The following PHC2 variants were observed in gnomAD, a reference collection of about 807,000 sequenced individuals.
PHC2 encodes polyhomeotic homolog 2, also known as polyhomeotic-like protein 2.
Under a neutral mutation model 87.4 loss-of-function variants are expected in PHC2, and 29 were observed. The observed-to-expected ratio is 0.33, with a 90% CI of 0.25 to 0.45. PHC2 has a LOEUF of 0.45. PHC2 is among the 20% of genes least tolerant of loss of function. The probability of loss-of-function intolerance (pLI) is 1.00; values close to 1 mark genes in which losing one functional copy is unlikely to be tolerated. For synonymous variants in PHC2, 438 were observed against 461.7 expected (o/e 0.95, Z 0.66); for missense variants, 857 against 1,136.7 (o/e 0.75, Z 3.54).
intron 9 of PHC2, among the ~76,000 whole-genome samples, chr1:33,344,548 T>C (rs1026482665): frequency 2.6e-5 from 4 of 152,360 alleles, no homozygotes; most frequent in Non-Finnish European, 4.4e-5. Context: ...AGTCAACTGA[T>C]AGAACAGATT....
intron 10 of PHC2, among the ~76,000 whole-genome samples, chr1:33,333,081 TG>T (rs1357810670): frequency 6.6e-6 from 1 of 152,046 alleles, no homozygotes; most frequent in African/African-American, 2.4e-5. Context: ...TGAGATCAGG[TG>T]GTTTCTAGTG....
At chr1:33,427,689 G>A (rs1998623) in intron 1 of PHC2, among the ~76,000 whole-genome samples, 26,201 of 152,170 alleles carry the variant, frequency 0.17, 2,788 homozygotes, top group South Asian at 0.27. Flanking sequence ...AACTGCTGAC[G>A]AATTTCTGCA....
At chr1:33,370,105 A>AACCACTC (rs1383303152) in intron 5 of PHC2, among the ~76,000 whole-genome samples, 1 of 152,116 alleles carries the variant, frequency 6.6e-6, no homozygotes, top group African/African-American at 2.4e-5. Context: ...CCTGGGCATG[A>AACCACTC]ACCACTCTGC....
chr1:33,414,413 C>T (rs2148396227), intron 1 of PHC2, among the ~76,000 whole-genome samples: 1 of 152,250 alleles, frequency 6.6e-6, no homozygotes. Context: ...GATGTTCTCA[C>T]TATTGTTTTG....
chr1:33,410,164 T>C (rs1477601893), intron 1 of PHC2, among the ~76,000 whole-genome samples: 1 of 152,216 alleles, frequency 6.6e-6, no homozygotes, highest in African/African-American at 2.4e-5. Context: ...AACATACCAG[T>C]TCAATTTGTA....
At chr1:33,383,386 G>A (rs75547306) in intron 1 of PHC2, among the ~76,000 whole-genome samples, 11,060 of 152,186 alleles carry the variant, frequency 0.073, 584 homozygotes, top group Non-Finnish European at 0.11. Context: ...GAAGGATGAG[G>A]AATTAAAGCT....
chr1:33,332,286 G>A lies in PHC2; in HGVS notation c.1880C>T (p.Pro627Leu). The change falls in exon 11 of 15, where the codon CCC (proline) becomes CTC (leucine). Residue 627 changes from proline to leucine, a missense_variant. Physicochemically the swap from Pro to Leu is moderately conservative, Grantham distance 98. Transcript: ENST00000683057. The surrounding 1 kb of genome is among the most constrained non-coding windows in gnomAD (Gnocchi z 4.2). Reference protein sequence around the residue: ...TTTTDSEMEEPYLQESKEEGA... With the variant: ...TTTTDSEMEELYLQESKEEGA... ...TCTGAGATGCCCACCTTGCAGATAG[G>A]GCTCCTCCATCTCCGAGTCAGTGGT... 2 of 1,614,146 alleles carry A rather than the reference G, an allele frequency of 1.2e-6. No individual in the cohort carries two copies. Among genetic ancestry groups the A allele is most frequent in the South Asian group, 1.1e-5 (1 of 91,090 alleles).
At chr1:33,425,392 C>T (rs138412346) in intron 1 of PHC2, among the ~76,000 whole-genome samples, 20 of 152,192 alleles carry the variant, frequency 1.3e-4, no homozygotes, top group African/African-American at 4.3e-4. Flanking sequence ...AAGTGAAAGC[C>T]GATAAAGGTA....
intron 9 of PHC2, chr1:33,336,477 GAC>G (rs1570453179): frequency 6.6e-6 from 1 of 151,964 alleles, no homozygotes; most frequent in African/African-American, 2.4e-5. Flanking sequence ...GTTTGTTTGA[GAC>G]ACAGTTATAC....
At chr1:33,340,309 A>T (rs967435503) in intron 9 of PHC2, among the ~76,000 whole-genome samples, 1 of 151,990 alleles carries the variant, frequency 6.6e-6, no homozygotes, top group African/African-American at 2.4e-5. Context: ...CCCAAAGCAC[A>T]CTCTCCAAGC....
chr1:33,413,000 CTT>C (rs910014085), intron 1 of PHC2, among the ~76,000 whole-genome samples: 1 of 152,016 alleles, frequency 6.6e-6, no homozygotes, highest in African/African-American at 2.4e-5. Context: ...GAGTCTCGCT[CTT>C]GTCACCCAGG....
In PHC2 at chr1:33,332,969, A is replaced by T. The variant is rs1489585939; in HGVS notation, c.1762-565T>A. Among the ~76,000 whole-genome samples the T allele has an allele frequency of 6.6e-6, 1 of 152,176 alleles. No individual in the cohort carries two copies. Among genetic ancestry groups the T allele is most frequent in the Non-Finnish European group, 1.5e-5 (1 of 68,030 alleles). ...CCCAGAGCAGCTTATTTACGCGTTT[A>T]GATCTCCTTTTGTGGCCTGTGTTTA... On this transcript the variant is annotated intron_variant, in intron 10 of 14. Coordinates refer to ENST00000683057, the MANE Select transcript of PHC2 (RefSeq NM_001385109.1). This position sits in a 1 kb window ranked among gnomAD's most constrained non-coding sequence, Gnocchi z 4.2.
At chr1:33,387,047 T>C (rs1304361084) in intron 1 of PHC2, among the ~76,000 whole-genome samples, 1 of 152,240 alleles carries the variant, frequency 6.6e-6, no homozygotes, top group Non-Finnish European at 1.5e-5. Context: ...GGGAAGTGGC[T>C]AATTATCAGG....
At position 33,367,126 on chromosome 1, in the gene PHC2, G is replaced by A. The variant is rs746184397; in HGVS notation, c.966C>T (p.Leu322=). The part of the protein sequence containing the change: ...RTVPAVAAHP[L]IAPAYAQLQP... The stretch of plus-strand genomic sequence containing the variant: ...TCCTGAAGACCTTACCTGGTGCAAT[G>A]AGGGGGTGGGCAGCCACAGCAGGAA... Residue 322 remains leucine, a synonymous_variant, in exon 7 of 15, where the codon CTC becomes CTT. Transcript: ENST00000683057. The A allele has an allele frequency of 5.0e-5, 80 of 1,604,914 alleles. No individual in the cohort carries two copies. Among genetic ancestry groups the A allele is most frequent in the Admixed American group, 1.7e-4 (10 of 59,696 alleles).
chr1:33,342,340 A>G (rs932455808), intron 9 of PHC2, among the ~76,000 whole-genome samples: 1 of 152,232 alleles, frequency 6.6e-6, no homozygotes, highest in Non-Finnish European at 1.5e-5. Flanking sequence ...GCTGGCAGCC[A>G]TTACCATACA....
chr1:33,377,875 C>A (rs1483997689), intron 1 of PHC2, among the ~76,000 whole-genome samples: 1 of 152,012 alleles, frequency 6.6e-6, no homozygotes, highest in African/African-American at 2.4e-5. Flanking sequence ...TGGGTAAAGT[C>A]TAAAAGACAG....
At position 33,329,115 on chromosome 1, in the gene PHC2, G is replaced by A; in HGVS notation, c.2180C>T (p.Ala727Val). 1 of 1,614,154 alleles carries A rather than the reference G, an allele frequency of 6.2e-7. No homozygotes were observed. The highest frequency in any genetic ancestry group is 8.5e-7 in the Non-Finnish European group (1 of 1,180,024). ...CTGGCTGTGTGTTAGCTGCAAAGCA[G>A]CAGTAACCGAAAGGGGCACAGTGCC... ...PTGTVPLSVTAALQLTHSQED... is the reference protein window; with the variant it reads ...PTGTVPLSVTVALQLTHSQED... Residue 727 changes from alanine to valine, a missense_variant, in exon 14 of 15, where the codon GCT becomes GTT. Ala to Val is a moderately conservative substitution (Grantham distance 64). Transcript: ENST00000683057.
chr1:33,331,861 C>G lies in PHC2; in HGVS notation c.1892-399G>C, dbSNP rs987277176. ...TGACCCAGTAAAAGACCTCAGGAGC[C>G]CACGCTCCTGCAGCTGTGCAGCTCT... On this transcript the variant is annotated intron_variant, in intron 11 of 14. Transcript: ENST00000683057. The surrounding 1 kb of genome is among the most constrained non-coding windows in gnomAD (Gnocchi z 5.2). Among the ~76,000 whole-genome samples the G allele has an allele frequency of 1.3e-5, 2 of 152,254 alleles. No homozygotes were observed. The highest frequency in any genetic ancestry group is 2.9e-5 in the Non-Finnish European group (2 of 68,044).
chr1:33,348,224 C>G (rs79395927), intron 9 of PHC2, among the ~76,000 whole-genome samples: 1,773 of 152,240 alleles, frequency 0.012, 39 homozygotes, highest in African/African-American at 0.041. Flanking sequence ...GTGACCTAAA[C>G]CTAAATCCTA....
Sources: gnomAD v4.1 joint callset for allele counts (sites outside exome capture counted in the v4.1 genomes callset) on GRCh38, gnomAD v4.1.1 for gene constraint, Gnocchi (gnomAD v3.1) non-coding constraint, MANE v1.5 for transcripts, NCBI Gene and HGNC (gene_info 2026-07-23, HGNC 2026-07-21) for gene names.